Variants in EXOC6B observed in about 807,000 individuals in gnomAD.
EXOC6B encodes the protein exocyst complex component 6B, also known as SEC15 homolog B.
A neutral mutation model predicts 113.5 loss-of-function variants in EXOC6B; 54 were observed. That is an observed-to-expected ratio of 0.48 (90% CI 0.38 to 0.60). The LOEUF (loss-of-function observed/expected upper bound fraction) is 0.60. EXOC6B is among the 20% of genes least tolerant of loss of function. The pLI, the probability that EXOC6B is intolerant of heterozygous loss-of-function variation, is 0.00. For missense variants in EXOC6B, 797 were observed against 977.5 expected, an observed-to-expected ratio of 0.82 and a Z score of 2.46; for synonymous variants, 357 against 339.0, an observed-to-expected ratio of 1.05 and a Z score of -0.58.
chr2:72,339,638 G>A (rs553670549), intron 19 of EXOC6B, among the ~76,000 whole-genome samples: 5 of 152,244 alleles, frequency 3.3e-5, no homozygotes, highest in South Asian at 4.1e-4. Context: ...GTCCAAGCAC[G>A]CATGGTAGAA....
chr2:72,564,009 A>G (rs898630286), intron 7 of EXOC6B, among the ~76,000 whole-genome samples: 13 of 152,158 alleles, frequency 8.5e-5, no homozygotes, highest in African/African-American at 3.1e-4. Flanking sequence ...CTAGTGAAGG[A>G]AGGCAGGAAA....
chr2:72,226,346 A>C (rs1371296797), intron 20 of EXOC6B, among the ~76,000 whole-genome samples: 1 of 152,234 alleles, frequency 6.6e-6, no homozygotes, highest in African/African-American at 2.4e-5. Flanking sequence ...AGATGTTAAC[A>C]TTAGGAGAAA....
At chr2:72,264,569 C>CAAAAAA (rs1056410801) in intron 20 of EXOC6B, among the ~76,000 whole-genome samples, 2 of 152,000 alleles carry the variant, frequency 1.3e-5, no homozygotes, top group African/African-American at 4.8e-5. Flanking sequence ...AATTCTGCCT[C>CAAAAAA]AAACAAAAAC....
At chr2:72,702,947 T>C (rs1189120881) in intron 6 of EXOC6B, among the ~76,000 whole-genome samples, 4 of 152,070 alleles carry the variant, frequency 2.6e-5, no homozygotes, top group African/African-American at 9.7e-5. Context: ...TTTGTCAATT[T>C]TGTCTTTTGT....
At chr2:72,414,121 T>C (rs1481729193) in intron 18 of EXOC6B, among the ~76,000 whole-genome samples, 1 of 152,228 alleles carries the variant, frequency 6.6e-6, no homozygotes, top group Non-Finnish European at 1.5e-5. Context: ...CATATTATTC[T>C]TTATATTTTA....
intron 20 of EXOC6B, among the ~76,000 whole-genome samples, chr2:72,258,708 T>C (rs1683512785): frequency 6.6e-6 from 1 of 151,926 alleles, no homozygotes. Flanking sequence ...AGTGAATAAT[T>C]ATAATAATAA....
chr2:72,756,710 T>C (rs1682432842), intron 1 of EXOC6B, among the ~76,000 whole-genome samples: 1 of 152,176 alleles, frequency 6.6e-6, no homozygotes. Flanking sequence ...GAATAGTTAT[T>C]ATCATCATTT....
At chr2:72,326,280 C>T (rs985160115) in intron 20 of EXOC6B, among the ~76,000 whole-genome samples, 1 of 152,112 alleles carries the variant, frequency 6.6e-6, no homozygotes, top group African/African-American at 2.4e-5. Context: ...GTCTCAAAAA[C>T]TTTCAAATTC....
At chr2:72,202,866 T>G (rs536955306) in intron 20 of EXOC6B, among the ~76,000 whole-genome samples, 148 of 152,278 alleles carry the variant, frequency 9.7e-4, no homozygotes, top group African/African-American at 2.9e-3. Context: ...ACAAACATTT[T>G]ATAGCACTGA....
intron 1 of EXOC6B, among the ~76,000 whole-genome samples, chr2:72,751,110 C>G (rs1039253655): frequency 4.6e-5 from 7 of 152,008 alleles, no homozygotes; most frequent in Non-Finnish European, 8.8e-5. Flanking sequence ...TGAGACAGGT[C>G]TCAGTCAACT....
At chr2:72,624,170 G>T (rs886322492) in intron 6 of EXOC6B, among the ~76,000 whole-genome samples, 2 of 151,422 alleles carry the variant, frequency 1.3e-5, no homozygotes, top group Non-Finnish European at 2.9e-5. Flanking sequence ...ACAGGGTCTT[G>T]CCCTGTCACC....
chr2:72,748,697 G>A (rs146226553), intron 1 of EXOC6B, among the ~76,000 whole-genome samples: 101 of 152,130 alleles, frequency 6.6e-4, no homozygotes, highest in African/African-American at 2.4e-3. Context: ...AAAGAATGCT[G>A]TGATGCAGAT....
chr2:72,801,662 C>A (rs891544205), intron 1 of EXOC6B, among the ~76,000 whole-genome samples: 1 of 152,088 alleles, frequency 6.6e-6, no homozygotes, highest in East Asian at 1.9e-4. Context: ...TGAAGCTCAC[C>A]AAGATTAAAT....
intron 1 of EXOC6B, among the ~76,000 whole-genome samples, chr2:72,800,471 T>G (rs1685216435): frequency 6.6e-6 from 1 of 152,196 alleles, no homozygotes; most frequent in Non-Finnish European, 1.5e-5. Flanking sequence ...AGGTAAATTT[T>G]TTAACTTAAA....
chr2:72,623,852 T>A (rs1046144875), intron 6 of EXOC6B, among the ~76,000 whole-genome samples: 1 of 152,206 alleles, frequency 6.6e-6, no homozygotes, highest in Admixed American at 6.5e-5. Context: ...CTATTCTTGC[T>A]GTAACCTTCC....
intron 20 of EXOC6B, among the ~76,000 whole-genome samples, chr2:72,249,028 C>T (rs1237058004): frequency 6.6e-6 from 1 of 152,128 alleles, no homozygotes; most frequent in African/African-American, 2.4e-5. Context: ...TTTTGGGAGG[C>T]CAAGGTGGGA....
At chr2:72,647,411 G>C (rs1255962483) in intron 6 of EXOC6B, among the ~76,000 whole-genome samples, 1 of 152,122 alleles carries the variant, frequency 6.6e-6, no homozygotes, top group Non-Finnish European at 1.5e-5. Context: ...TTTCTTCACA[G>C]AATTGGAAAA....
chr2:72,795,209 A>C (rs1402472566), intron 1 of EXOC6B, among the ~76,000 whole-genome samples: 1 of 152,216 alleles, frequency 6.6e-6, no homozygotes, highest in East Asian at 1.9e-4. Context: ...AAAGGCCTTA[A>C]AAGCCAGGAT....
intron 20 of EXOC6B, chr2:72,263,315 A>C (rs1174617523): frequency 6.6e-6 from 1 of 152,266 alleles, no homozygotes; most frequent in Non-Finnish European, 1.5e-5. Flanking sequence ...TGCTGGGATG[A>C]GACTACGCTC....
Sources: gnomAD v4.1 joint callset for allele counts (sites outside exome capture counted in the v4.1 genomes callset) on GRCh38, gnomAD v4.1.1 for gene constraint, MANE v1.5 for transcripts, NCBI Gene and HGNC (gene_info 2026-07-23, HGNC 2026-07-21) for gene names.